The following SIPA1L3 variants were observed in gnomAD, a reference collection of about 807,000 sequenced individuals.
The protein encoded by SIPA1L3 is signal induced proliferation associated 1 like 3, also known as signal-induced proliferation-associated 1-like protein 3.
SIPA1L3 carries 59 observed loss-of-function variants against 150.1 expected under a neutral mutation model. The ratio of observed to expected loss-of-function variants is 0.39; its 90% CI spans 0.32 to 0.49. SIPA1L3 has a LOEUF of 0.49. Among genes scored for constraint, SIPA1L3 ranks in the 20% least tolerant of loss-of-function variants. The pLI is 0.86. For missense variants in SIPA1L3, 2,211 were observed against 2,489.5 expected, an observed-to-expected ratio of 0.89 and a Z score of 2.38; for synonymous variants, 1,070 against 1,077.6, an observed-to-expected ratio of 0.99 and a Z score of 0.14.
At chr19:37,966,897 C>T (rs773908646) in intron 1 of SIPA1L3, among the ~76,000 whole-genome samples, 98 of 152,272 alleles carry the variant, frequency 6.4e-4, no homozygotes, top group Non-Finnish European at 1.0e-3. Context: ...ACTTCTGGGG[C>T]GGACAGGCCC....
chr19:37,982,014 C>T (rs566677025), intron 1 of SIPA1L3, among the ~76,000 whole-genome samples: 11 of 152,286 alleles, frequency 7.2e-5, no homozygotes, highest in South Asian at 4.1e-4. Flanking sequence ...CAGCATCTTA[C>T]GCATGTCCAC....
intron 8 of SIPA1L3, among the ~76,000 whole-genome samples, chr19:38,111,305 T>C (rs903539113): frequency 6.6e-6 from 1 of 152,116 alleles, no homozygotes; most frequent in Admixed American, 6.5e-5. Flanking sequence ...GTGCTGGGAT[T>C]GTAAGTGTGA....
At chr19:37,924,060 C>T (rs1038142025) in intron 1 of SIPA1L3, among the ~76,000 whole-genome samples, 4 of 152,168 alleles carry the variant, frequency 2.6e-5, no homozygotes, top group Non-Finnish European at 2.9e-5. Flanking sequence ...AGGCATGAGC[C>T]GCTGCACCTG....
intron 2 of SIPA1L3, among the ~76,000 whole-genome samples, chr19:38,075,719 G>A (rs1309583493): frequency 2.0e-5 from 3 of 151,826 alleles, no homozygotes; most frequent in Non-Finnish European, 4.4e-5. Context: ...AGCAGAGATT[G>A]CAGTGAGCCG....
chr19:38,196,093 TC>T (rs1484120311), intron 18 of SIPA1L3, among the ~76,000 whole-genome samples: 1 of 152,052 alleles, frequency 6.6e-6, no homozygotes, highest in African/African-American at 2.4e-5. Flanking sequence ...CCTCTCCATT[TC>T]TTGTGTGCCT....
At chr19:38,048,838 C>G (rs1278724100) in intron 2 of SIPA1L3, among the ~76,000 whole-genome samples, 1 of 152,144 alleles carries the variant, frequency 6.6e-6, no homozygotes, top group African/African-American at 2.4e-5. Context: ...CACCTGTAAT[C>G]CCAGCACTTT....
chr19:38,079,559 A>AT (rs35759392), intron 2 of SIPA1L3, among the ~76,000 whole-genome samples: 37,716 of 141,378 alleles, frequency 0.27, 6,019 homozygotes, highest in African/African-American at 0.43. Flanking sequence ...GTTTTTGGGG[A>AT]TTTTTTTTTT....
intron 1 of SIPA1L3, among the ~76,000 whole-genome samples, chr19:37,974,170 G>A (rs1967018384): frequency 6.6e-6 from 1 of 152,142 alleles, no homozygotes. Flanking sequence ...GATGGGTCCT[G>A]CCATACCCCA....
chr19:38,115,963 G>C (rs1970872378), intron 8 of SIPA1L3, among the ~76,000 whole-genome samples: 1 of 152,150 alleles, frequency 6.6e-6, no homozygotes, highest in South Asian at 2.1e-4. Context: ...GTGTCGCACT[G>C]TCGCCCTTGT....
At chr19:38,100,408 T>G (rs745881404) in intron 5 of SIPA1L3, among the ~76,000 whole-genome samples, 2 of 152,058 alleles carry the variant, frequency 1.3e-5, no homozygotes, top group Non-Finnish European at 2.9e-5. Flanking sequence ...TGCATATATG[T>G]GTCTATAGTG....
chr19:37,955,647 G>A (rs2046803993), intron 1 of SIPA1L3, among the ~76,000 whole-genome samples: 1 of 152,138 alleles, frequency 6.6e-6, no homozygotes, highest in Admixed American at 6.5e-5. Flanking sequence ...TCTGTACCAG[G>A]CTTCCGTCAC....
In SIPA1L3 at chr19:37,982,539, T is replaced by C. The variant is rs1050951052; in HGVS notation, c.-378-46550T>C. On this transcript the variant is annotated intron_variant, in intron 1 of 21. Coordinates refer to ENST00000222345, the MANE Select transcript of SIPA1L3 (RefSeq NM_015073.3). The stretch of plus-strand genomic sequence containing the variant: ...TGAGGTGGGACAGTGTTAGGTCCAT[T>C]ACAGACATGGAGACAAGCCCAGGGC... Among the ~76,000 whole-genome samples the C allele has an allele frequency of 3.3e-5, 5 of 152,124 alleles. 1 individual carries two copies. The highest frequency in any genetic ancestry group is 1.3e-4 in the Admixed American group (2 of 15,250).
chr19:38,079,245 A>G (rs1284247208), intron 2 of SIPA1L3, among the ~76,000 whole-genome samples: 2 of 152,178 alleles, frequency 1.3e-5, no homozygotes, highest in African/African-American at 4.8e-5. Context: ...AGGCAGGAGA[A>G]TGGCGTGAAC....
chr19:38,017,687 C>A (rs1259870210), intron 1 of SIPA1L3, among the ~76,000 whole-genome samples: 1 of 152,000 alleles, frequency 6.6e-6, no homozygotes, highest in Non-Finnish European at 1.5e-5. Context: ...ACATGCCTGG[C>A]TGATTTTTTT....
chr19:37,912,371 A>G (rs1017527469), intron 1 of SIPA1L3, among the ~76,000 whole-genome samples: 2 of 152,182 alleles, frequency 1.3e-5, no homozygotes, highest in Admixed American at 6.6e-5. Flanking sequence ...ACCTTGGGCA[A>G]ATCATGTGTC....
chr19:38,112,781 C>T (rs1970795529), intron 8 of SIPA1L3, among the ~76,000 whole-genome samples: 1 of 152,136 alleles, frequency 6.6e-6, no homozygotes, highest in African/African-American at 2.4e-5. Context: ...TCCCCACAGG[C>T]AGCTCCTCTC....
chr19:38,196,960 C>T (rs1972968802), intron 18 of SIPA1L3, among the ~76,000 whole-genome samples: 2 of 152,172 alleles, frequency 1.3e-5, no homozygotes, highest in Non-Finnish European at 2.9e-5. Context: ...TGCCCACATC[C>T]CTGGGTTAAA....
At chr19:38,144,917 A>G (rs1253082569) in intron 12 of SIPA1L3, among the ~76,000 whole-genome samples, 1 of 152,174 alleles carries the variant, frequency 6.6e-6, no homozygotes, top group Non-Finnish European at 1.5e-5. Flanking sequence ...TGCGACAGAG[A>G]GGAGAGAAAA....
chr19:37,932,889 A>C (rs927117920), intron 1 of SIPA1L3, among the ~76,000 whole-genome samples: 1 of 151,772 alleles, frequency 6.6e-6, no homozygotes, highest in Admixed American at 6.6e-5. Context: ...AATGGAGGAC[A>C]TTTCTCCCAA....
Sources: allele counts gnomAD v4.1 joint callset (sites outside exome capture counted in the v4.1 genomes callset), GRCh38; gene constraint gnomAD v4.1.1; transcripts MANE v1.5; gene names NCBI Gene and HGNC (gene_info 2026-07-23, HGNC 2026-07-21).